Variants in DDX28 observed in about 807,000 individuals in gnomAD.
DDX28 encodes DEAD-box helicase 28, also known as probable ATP-dependent RNA helicase DDX28.
DDX28 carries 25 observed loss-of-function variants against 26.8 expected under a neutral mutation model. That is an observed-to-expected ratio of 0.93 (90% confidence interval 0.68 to 1.30). The LOEUF (loss-of-function observed/expected upper bound fraction) is 1.30. Among genes scored for constraint, DDX28 ranks in the 50% most tolerant of loss-of-function variants. The probability of loss-of-function intolerance (pLI) is 0.00; values close to 1 mark genes in which losing one functional copy is unlikely to be tolerated. For missense variants in DDX28, 790 were observed against 695.1 expected (o/e 1.14, Z -1.53); for synonymous variants, 370 against 311.9 (o/e 1.19, Z -1.96).
rs201683338 is a variant in DDX28, at chr16:68,022,024, C to T, written c.1179G>A (p.Arg393=). The T allele has an allele frequency of 9.9e-5, 159 of 1,614,068 alleles. No homozygotes were observed. The highest frequency in any genetic ancestry group is 1.2e-4 in the Non-Finnish European group (143 of 1,180,046). The change falls in exon 1 of 1, where the codon AGG becomes AGA. Residue 393 remains arginine (R), a synonymous_variant. Coordinates refer to ENST00000332395, the MANE Select transcript of DDX28 (RefSeq NM_018380.4). ...CCAGAACAGTTCCTGAGGGACCAGTCCTTTCTGCTCTGTCACGATGCTTGA... is the reference window on the plus strand; with the variant it reads ...CCAGAACAGTTCCTGAGGGACCAGTTCTTTCTGCTCTGTCACGATGCTTGA... The part of the protein sequence containing the change: ...HILKHRDRAE[R]TGPSGTVLVF...
Position 68,022,529 on chromosome 16 carries a change from G to C in DDX28, c.674C>G (p.Pro225Arg). The C allele has an allele frequency of 1.9e-6, 3 of 1,613,964 alleles. No individual in the cohort carries two copies. The highest frequency in any genetic ancestry group is 2.5e-6 in the Non-Finnish European group (3 of 1,180,028). ...LAQQVRAVAQ[P>R]LGRSLGLLVR... is the part of the protein sequence containing the mutation. ...CAGCAGGCCCAAGGAGCGGCCCAAGGGTTGGGCCACAGCCCGCACCTGTTG... is the reference window on the plus strand; with the variant it reads ...CAGCAGGCCCAAGGAGCGGCCCAAGCGTTGGGCCACAGCCCGCACCTGTTG... The change falls in exon 1 of 1, where the codon CCC becomes CGC. Residue 225 changes from proline to arginine, a missense_variant. By Grantham distance (103) the Pro-to-Arg change is moderately radical. Transcript: ENST00000332395.
chr16:68,021,221 G>C lies in DDX28; in HGVS notation c.*359C>G. 1 of 234,388 alleles carries C rather than the reference G, an allele frequency of 4.3e-6. No homozygotes were observed. Among genetic ancestry groups the C allele is most frequent in the Middle Eastern group, 1.5e-3 (1 of 646 alleles). The allele number at this position is 234,388 out of a possible 1,614,324, so 14.5% of individuals were successfully genotyped here. On this transcript the variant is annotated 3_prime_UTR_variant, in exon 1 of 1. Transcript: ENST00000332395. ...ATAAATGAAAACATCAACTGAAAGA[G>C]CCTTTGTCCTAGATGTGGAGGTTTG...
Position 68,021,652 on chromosome 16 carries a change from CAGCTCAATCTTCT to C in DDX28, c.1538_1550del (p.Gln513ArgfsTer12). The C allele has an allele frequency of 6.2e-7, 1 of 1,614,186 alleles. No individual in the cohort carries two copies. Among genetic ancestry groups the C allele is most frequent in the Non-Finnish European group, 8.5e-7 (1 of 1,180,006 alleles). On this transcript the variant is annotated frameshift_variant, in exon 1 of 1. Coordinates refer to ENST00000332395, the MANE Select transcript of DDX28 (RefSeq NM_018380.4). LOFTEE classifies it high-confidence loss of function. ...GAAGACTTCTCCTTCGGCGAGCCGC[CAGCTCAATCTTCT>C]GAACCAGGCTCACATCCCAGGGATG...
In DDX28 at chr16:68,023,191, C is replaced by G; in HGVS notation, c.12G>C (p.Thr4=). The change falls in exon 1 of 1, where the codon ACG becomes ACC. Residue 4 remains threonine (T), a synonymous_variant. Transcript: ENST00000332395. MAL[T]RPVRLFSLVT... ...CGAGGGAAAAGAGCCGCACCGGCCG[C>G]GTTAGAGCCATGTTTCCCTTAGTGC... The G allele has an allele frequency of 5.0e-6, 8 of 1,609,494 alleles. No homozygotes were observed. In the Admixed American group the frequency reaches 1.3e-4, roughly 27 times the overall value.
rs949167416 is a variant in DDX28, at chr16:68,021,328, G to C, written c.*252C>G. ...GAGGCACATAAAAACATCATTTATT[G>C]TTAGAAATCATGACATGATACAAAG... On this transcript the variant is annotated 3_prime_UTR_variant, in exon 1 of 1. Coordinates refer to ENST00000332395, the MANE Select transcript of DDX28 (RefSeq NM_018380.4). The C allele has an allele frequency of 1.2e-5, 6 of 515,278 alleles. No homozygotes were observed. Among genetic ancestry groups the C allele is most frequent in the Non-Finnish European group, 1.7e-5 (5 of 290,944 alleles). The allele number at this position is 515,278 out of a possible 1,614,324, so 31.9% of individuals were successfully genotyped here.
chr16:68,021,644 C>T lies in DDX28; in HGVS notation c.1559G>A (p.Arg520His), dbSNP rs754723789. 17 of 1,614,020 alleles carry T rather than the reference C, an allele frequency of 1.1e-5. No homozygotes were observed. In the Admixed American group the frequency reaches 1.7e-4, roughly 16 times the overall value. The change falls in exon 1 of 1, where the codon CGC becomes CAC. Residue 520 changes from arginine (R) to histidine (H), a missense_variant. Transcript: ENST00000332395. ...TAGTCCTGGAAGACTTCTCCTTCGG[C>T]GAGCCGCCAGCTCAATCTTCTGAAC... is the stretch of plus-strand genomic sequence containing the variant. Reference protein sequence around the residue: ...SLVQKIELAARRRRSLPGLAS... With the variant: ...SLVQKIELAAHRRRSLPGLAS...
At position 68,022,421 on chromosome 16, in the gene DDX28, G is replaced by C; in HGVS notation, c.782C>G (p.Ala261Gly). ...SRQPSADVLV[A>G]TPGALWKALK... Reference sequence around the variant, plus strand: ...GGCCTTCCACAGAGCCCCTGGAGTGGCCACAAGCACATCTGCTGAAGGCTG... The same window carrying C: ...GGCCTTCCACAGAGCCCCTGGAGTGCCCACAAGCACATCTGCTGAAGGCTG... Residue 261 changes from alanine (A) to glycine (G), a missense_variant, in exon 1 of 1, where the codon GCC becomes GGC. By Grantham distance (60) the Ala-to-Gly change is moderately conservative. Transcript: ENST00000332395. The C allele has an allele frequency of 6.2e-7, 1 of 1,613,954 alleles. No homozygotes were observed. Among genetic ancestry groups the C allele is most frequent in the African/African-American group, 1.3e-5 (1 of 75,044 alleles).
rs1432116076 is a variant in DDX28 at position 68,022,535 on chromosome 16, G to A, written c.668C>T (p.Ala223Val). Residue 223 changes from alanine to valine, a missense_variant, in exon 1 of 1, where the codon GCC becomes GTC. Transcript: ENST00000332395. ...GCCCAAGGAGCGGCCCAAGGGTTGG[G>A]CCACAGCCCGCACCTGTTGGGCCAA... ...RELAQQVRAVAQPLGRSLGLL... is the reference protein window; with the variant it reads ...RELAQQVRAVVQPLGRSLGLL... The A allele has an allele frequency of 6.2e-7, 1 of 1,613,796 alleles. No individual in the cohort carries two copies. The highest frequency in any genetic ancestry group is 8.5e-7 in the Non-Finnish European group (1 of 1,180,024).
At position 68,021,386 on chromosome 16, in the gene DDX28, AG is replaced by A. The variant is rs2033235881; in HGVS notation, c.*193del. Reference sequence around the variant, plus strand: ...CCACTTGTGTCTTGCTAAAGACTACAGAAAGCCATGCTCAGCAGCTTCTTCT... The same window carrying A: ...CCACTTGTGTCTTGCTAAAGACTACAAAAGCCATGCTCAGCAGCTTCTTCT... On this transcript the variant is annotated 3_prime_UTR_variant, in exon 1 of 1. Coordinates refer to ENST00000332395, the MANE Select transcript of DDX28 (RefSeq NM_018380.4). 3.3e-6 allele frequency: 2 copies of A among 605,966 alleles called. No homozygotes were observed. Among genetic ancestry groups the A allele is most frequent in the Non-Finnish European group, 5.8e-6 (2 of 346,764 alleles). 37.5% of individuals were successfully genotyped at this position (605,966 alleles called of 1,614,324 possible). A position where few individuals can be genotyped will look rare whatever the true frequency, so the allele number is the denominator to read the frequency against.
chr16:68,022,129 G>A lies in DDX28; in HGVS notation c.1074C>T (p.Leu358=). 6.2e-7 allele frequency: 1 copy of A among 1,614,188 alleles called. No homozygotes were observed. Residue 358 remains leucine, a synonymous_variant, in exon 1 of 1, where the codon CTC becomes CTT. Transcript: ENST00000332395. ...GTTTCACATGAGGCATGATACAGTGGAGCTTGGAGCTGGTGATGGTGGTGA... is the reference window on the plus strand; with the variant it reads ...GTTTCACATGAGGCATGATACAGTGAAGCTTGGAGCTGGTGATGGTGGTGA... ...DAVTTITSSK[L]HCIMPHVKQT...
In DDX28 at chr16:68,021,934, T is replaced by C. The variant is rs769680511; in HGVS notation, c.1269A>G (p.Gln423=). 3 of 1,614,204 alleles carry C rather than the reference T, an allele frequency of 1.9e-6. No homozygotes were observed. Among genetic ancestry groups the C allele is most frequent in the East Asian group, 2.2e-5 (1 of 44,888 alleles). ...LGYILDDHKI[Q]HLRLQGQMPA... is the part of the protein sequence containing the mutation. The stretch of plus-strand genomic sequence containing the variant: ...GCATTTGCCCCTGCAACCTTAGGTG[T>C]TGGATTTTGTGGTCATCCAGAATAT... Residue 423 remains glutamine (Q), a synonymous_variant, in exon 1 of 1, where the codon CAA becomes CAG. Coordinates refer to ENST00000332395, the MANE Select transcript of DDX28 (RefSeq NM_018380.4).
chr16:68,023,073 G>A lies in DDX28; in HGVS notation c.130C>T (p.Arg44Trp), dbSNP rs1200766513. Residue 44 changes from arginine to tryptophan, a missense_variant, in exon 1 of 1, where the codon CGG (arginine) becomes TGG (tryptophan). By Grantham distance (101) the Arg-to-Trp change is moderately radical. Coordinates refer to ENST00000332395, the MANE Select transcript of DDX28 (RefSeq NM_018380.4). The stretch of plus-strand genomic sequence containing the variant: ...CTGCTCTGCCGCTGTTCCAACTGCC[G>A]CTGTAGAGCCACTGGGATGCGCACC... ...PVVRIPVALQ[R>W]QLEQRQSRRR... The A allele has an allele frequency of 4.4e-6, 7 of 1,600,606 alleles. No individual in the cohort carries two copies. The Admixed American group carries it at 6.7e-5, about 15-fold the overall frequency.
chr16:68,022,792 C>T lies in DDX28; in HGVS notation c.411G>A (p.Val137=). 1 of 1,594,630 alleles carries T rather than the reference C, an allele frequency of 6.3e-7. No individual in the cohort carries two copies. Among genetic ancestry groups the T allele is most frequent in the Middle Eastern group, 1.7e-4 (1 of 5,972 alleles). Residue 137 remains valine (V), a synonymous_variant, in exon 1 of 1, where the codon GTG becomes GTA. Coordinates refer to ENST00000332395, the MANE Select transcript of DDX28 (RefSeq NM_018380.4). ...SFADLGLEPR[V]LHALQEAAPE... ...GCGCAGCCTCCTGTAGTGCGTGCAG[C>T]ACACGGGGCTCCAGGCCCAGGTCAG... is the stretch of plus-strand genomic sequence containing the variant.
rs754694008 is a variant in DDX28 at position 68,023,171 on chromosome 16, G to T, written c.32C>A (p.Ser11Tyr). The T allele has an allele frequency of 1.9e-6, 3 of 1,609,338 alleles. No individual in the cohort carries two copies. Among genetic ancestry groups the T allele is most frequent in the African/African-American group, 1.3e-5 (1 of 75,026 alleles). Residue 11 changes from serine (S) to tyrosine (Y), a missense_variant, in exon 1 of 1, where the codon TCC becomes TAC. Physicochemically the swap from Ser to Tyr is moderately radical, Grantham distance 144. Coordinates refer to ENST00000332395, the MANE Select transcript of DDX28 (RefSeq NM_018380.4). ...CGCCAGGAGCAACCGAGTCACGAGG[G>T]AAAAGAGCCGCACCGGCCGCGTTAG... MALTRPVRLF[S>Y]LVTRLLLAPR...
Position 68,022,904 on chromosome 16 carries a change from C to T in DDX28, c.299G>A (p.Arg100Gln). 1 of 1,558,998 alleles carries T rather than the reference C, an allele frequency of 6.4e-7. No individual in the cohort carries two copies. The highest frequency in any genetic ancestry group is 8.7e-7 in the Non-Finnish European group (1 of 1,154,190). ...APLASQGWKS[R>Q]RARRDHFSIE... ...GGAGAAGTGGTCCCGACGCGCGCGTCGACTCTTCCAGCCTTGAGAGGCTAG... is the reference window on the plus strand; with the variant it reads ...GGAGAAGTGGTCCCGACGCGCGCGTTGACTCTTCCAGCCTTGAGAGGCTAG... The change falls in exon 1 of 1, where the codon CGA becomes CAA. Residue 100 changes from arginine (R) to glutamine (Q), a missense_variant. Transcript: ENST00000332395.
In DDX28 at chr16:68,021,422, GCCAGCAGCGTA is replaced by G. The variant is rs1330676820; in HGVS notation, c.*147_*157del. On this transcript the variant is annotated 3_prime_UTR_variant, in exon 1 of 1. Coordinates refer to ENST00000332395, the MANE Select transcript of DDX28 (RefSeq NM_018380.4). ...CTCAGCAGCTTCTTCTCCAATGCTG[GCCAGCAGCGTA>G]CCTTTCCAAGTCACAAAGCAGTTCA... 1 of 717,944 alleles carries G rather than the reference GCCAGCAGCGTA, an allele frequency of 1.4e-6. No homozygotes were observed. Among genetic ancestry groups the G allele is most frequent in the African/African-American group, 1.8e-5 (1 of 55,866 alleles). The allele number at this position is 717,944 out of a possible 1,614,324, so 44.5% of individuals were successfully genotyped here. A position where few individuals can be genotyped will look rare whatever the true frequency, so the allele number is the denominator to read the frequency against.
Position 68,022,025 on chromosome 16 carries a change from C to G in DDX28, c.1178G>C (p.Arg393Thr), listed in dbSNP as rs1458914966. Reference protein sequence around the residue: ...HILKHRDRAERTGPSGTVLVF... With the variant: ...HILKHRDRAETTGPSGTVLVF... ...CAGAACAGTTCCTGAGGGACCAGTC[C>G]TTTCTGCTCTGTCACGATGCTTGAG... Residue 393 changes from arginine to threonine, a missense_variant, in exon 1 of 1, where the codon AGG becomes ACG. Coordinates refer to ENST00000332395, the MANE Select transcript of DDX28 (RefSeq NM_018380.4). 6.2e-7 allele frequency: 1 copy of G among 1,614,056 alleles called. No individual in the cohort carries two copies. The highest frequency in any genetic ancestry group is 8.5e-7 in the Non-Finnish European group (1 of 1,180,044).
In DDX28 at chr16:68,023,109, G is replaced by A. The variant is rs746529299; in HGVS notation, c.94C>T (p.Pro32Ser). The A allele has an allele frequency of 6.2e-7, 1 of 1,603,648 alleles. No homozygotes were observed. Among genetic ancestry groups the A allele is most frequent in the Non-Finnish European group, 8.5e-7 (1 of 1,179,816 alleles). The change falls in exon 1 of 1, where the codon CCC (proline) becomes TCC (serine). Residue 32 changes from proline (P) to serine (S), a missense_variant. Coordinates refer to ENST00000332395, the MANE Select transcript of DDX28 (RefSeq NM_018380.4). ...ACTGGGATGCGCACCACCGGCAGGGGTTCGTCGGGACTGCGGACCGTGAGG... is the reference window on the plus strand; with the variant it reads ...ACTGGGATGCGCACCACCGGCAGGGATTCGTCGGGACTGCGGACCGTGAGG... ...RGLTVRSPDE[P>S]LPVVRIPVAL...
chr16:68,022,276 T>C lies in DDX28; in HGVS notation c.927A>G (p.Ile309Met), dbSNP rs760000939. 3.7e-6 allele frequency: 6 copies of C among 1,614,216 alleles called. No individual in the cohort carries two copies. Among genetic ancestry groups the C allele is most frequent in the Non-Finnish European group, 5.1e-6 (6 of 1,180,020 alleles). ...LVDYILEKSH[I>M]AEGPADLEDP... ...CTTCCAAGTCAGCTGGGCCTTCTGC[T>C]ATGTGGCTCTTCTCTAAGATGTAGT... Residue 309 changes from isoleucine to methionine, a missense_variant, in exon 1 of 1, where the codon ATA (isoleucine) becomes ATG (methionine). Coordinates refer to ENST00000332395, the MANE Select transcript of DDX28 (RefSeq NM_018380.4).
Sources: gnomAD v4.1 joint callset for allele counts on GRCh38, gnomAD v4.1.1 for gene constraint, MANE v1.5 for transcripts, NCBI Gene and HGNC (gene_info 2026-07-23, HGNC 2026-07-21) for gene names.